Variants in AGAP1 observed in about 807,000 individuals in gnomAD.
AGAP1 encodes the protein ArfGAP with GTPase domain, ankyrin repeat and PH domain 1.
A neutral mutation model predicts 105.3 loss-of-function variants in AGAP1; 29 were observed. The ratio of observed to expected loss-of-function variants is 0.28; its 90% confidence interval spans 0.21 to 0.38. The LOEUF is 0.38. Among genes scored for constraint, AGAP1 ranks in the 10% least tolerant of loss-of-function variants. The probability of loss-of-function intolerance (pLI) is 1.00; values close to 1 mark genes in which losing one functional copy is unlikely to be tolerated. For synonymous variants in AGAP1, 509 were observed against 485.9 expected, an observed-to-expected ratio of 1.05 and a Z score of -0.63; for missense variants, 998 against 1,165.1, an observed-to-expected ratio of 0.86 and a Z score of 2.09.
In AGAP1 at chr2:236,050,602, A is replaced by AT. The variant is rs1026501842; in HGVS notation, c.2114+1327dup. ...AAGATGAATTCATGTTTTAATATCT[A>AT]TTTTTTCACAGATAATGATAACATT... On this transcript the variant is annotated intron_variant, in intron 16 of 17. Transcript: ENST00000304032. The surrounding 1 kb of genome is among the most constrained non-coding windows in gnomAD (Gnocchi z 4.0). 1.3e-5 allele frequency among the ~76,000 whole-genome samples: 2 copies of AT among 152,142 alleles called. No homozygotes were observed. Among genetic ancestry groups the AT allele is most frequent in the Non-Finnish European group, 2.9e-5 (2 of 67,984 alleles).
At position 235,893,623 on chromosome 2, in the gene AGAP1, G is replaced by A. The variant is rs984652485; in HGVS notation, c.1155+10174G>A. On this transcript the variant is annotated intron_variant, in intron 10 of 17. Coordinates refer to ENST00000304032, the MANE Select transcript of AGAP1 (RefSeq NM_001037131.3). This position sits in a 1 kb window ranked among gnomAD's most constrained non-coding sequence, Gnocchi z 4.7. ...CTTCATGGCCCTCCCTGATTCCCAG[G>A]CCCCATCTAGTGTACATCATTGCCT... Among the ~76,000 whole-genome samples, 8 of 152,208 alleles carry A rather than the reference G, an allele frequency of 5.3e-5. No homozygotes were observed. The highest frequency in any genetic ancestry group is 3.9e-4 in the East Asian group (2 of 5,172).
chr2:235,803,030 T>TGTGATGGTGATGATGGTTGTG, intron 8 of AGAP1, among the ~76,000 whole-genome samples: 1 of 59,466 alleles, frequency 1.7e-5, no homozygotes, highest in Non-Finnish European at 3.7e-5. Context: ...TGGTGATGGT[T>TGTGATGGTGATGATGGTTGTG]GTGATGGTGA....
rs2051262985 is a variant in AGAP1, at chr2:235,905,525, G to A, written c.1156-3213G>A. Among the ~76,000 whole-genome samples the A allele has an allele frequency of 2.0e-5, 3 of 152,148 alleles. No individual in the cohort carries two copies. The highest frequency in any genetic ancestry group is 7.2e-5 in the African/African-American group (3 of 41,434). On this transcript the variant is annotated intron_variant, in intron 10 of 17. Transcript: ENST00000304032. This position sits in a 1 kb window ranked among gnomAD's most constrained non-coding sequence, Gnocchi z 4.2. ...TCTTTTCTTTTCTTTTTGAGACAGAGTTTCCCTCTTGTCGCTTAGGCTGGA... is the reference window on the plus strand; with the variant it reads ...TCTTTTCTTTTCTTTTTGAGACAGAATTTCCCTCTTGTCGCTTAGGCTGGA...
At chr2:235,727,312 C>T (rs11895896) in intron 3 of AGAP1, among the ~76,000 whole-genome samples, 6,225 of 151,422 alleles carry the variant, frequency 0.041, 415 homozygotes, top group African/African-American at 0.14. Flanking sequence ...AGGGTTTGTC[C>T]GTTTTAAACA....
At position 236,130,740 on chromosome 2, in the gene AGAP1, G is replaced by T; in HGVS notation, c.*6618G>T. The T allele has an allele frequency of 6.5e-6, 1 of 152,732 alleles. No homozygotes were observed. The highest frequency in any genetic ancestry group is 1.5e-5 in the Non-Finnish European group (1 of 68,440). The allele number at this position is 152,732 out of a possible 1,614,324, so 9.5% of individuals were successfully genotyped here. On this transcript the variant is annotated 3_prime_UTR_variant, in exon 18 of 18. Transcript: ENST00000304032. This position sits in a 1 kb window ranked among gnomAD's most constrained non-coding sequence, Gnocchi z 5.8. Reference sequence around the variant, plus strand: ...CCCCTGCCCAATACCACAGCCCTGGGGTGTCCCCTGACATTCCTGGAGGTC... The same window carrying T: ...CCCCTGCCCAATACCACAGCCCTGGTGTGTCCCCTGACATTCCTGGAGGTC...
chr2:235,590,692 CGT>C lies in AGAP1; in HGVS notation c.163+95863_163+95864del, dbSNP rs1183327731. 7.3e-3 allele frequency among the ~76,000 whole-genome samples: 527 copies of C among 72,526 alleles called. 12 individuals carry two copies. In the East Asian group the frequency reaches 0.15, roughly 20 times the overall value. 47.6% of individuals were successfully genotyped at this position (72,526 alleles called of 152,430 possible). ...GTGTGTGTGTGTGTGTGTGCGTGTGCGTGTGTGTGTGTGTGTGTGTGCATTTT... is the reference window on the plus strand; with the variant it reads ...GTGTGTGTGTGTGTGTGTGCGTGTGCGTGTGTGTGTGTGTGTGTGCATTTT... On this transcript the variant is annotated intron_variant, in intron 1 of 17. Transcript: ENST00000304032.
At chr2:235,534,596 C>T (rs773018952) in intron 1 of AGAP1, among the ~76,000 whole-genome samples, 1 of 152,068 alleles carries the variant, frequency 6.6e-6, no homozygotes, top group Non-Finnish European at 1.5e-5. Flanking sequence ...TCAAGCTTAG[C>T]GGTTTGTTTA....
In AGAP1 at chr2:235,689,371, G is replaced by T. The variant is rs1317865974; in HGVS notation, c.164-19808G>T. 6.6e-6 allele frequency among the ~76,000 whole-genome samples: 1 copy of T among 152,244 alleles called. No individual in the cohort carries two copies. The highest frequency in any genetic ancestry group is 1.5e-5 in the Non-Finnish European group (1 of 68,048). On this transcript the variant is annotated intron_variant, in intron 1 of 17. Transcript: ENST00000304032. This position sits in a 1 kb window ranked among gnomAD's most constrained non-coding sequence, Gnocchi z 4.2. ...CTGCTGCTGTTCATCGGCCCGTAGGGTCTCCAGCACAATACCGGGTTAGTG... is the reference window on the plus strand; with the variant it reads ...CTGCTGCTGTTCATCGGCCCGTAGGTTCTCCAGCACAATACCGGGTTAGTG...
chr2:235,824,743 G>A lies in AGAP1; in HGVS notation c.1050+17412G>A, dbSNP rs542317438. Among the ~76,000 whole-genome samples, 35 of 152,070 alleles carry A rather than the reference G, an allele frequency of 2.3e-4. No homozygotes were observed. The highest frequency in any genetic ancestry group is 7.5e-4 in the African/African-American group (31 of 41,478). ...GATGAGATGTGCCCTTATATGAGAC[G>A]GCCTGCATTCTTTCGCGGTACCAAG... On this transcript the variant is annotated intron_variant, in intron 9 of 17. Transcript: ENST00000304032. This position sits in a 1 kb window ranked among gnomAD's most constrained non-coding sequence, Gnocchi z 5.2.
chr2:235,977,909 C>T lies in AGAP1; in HGVS notation c.1645+9286C>T, dbSNP rs1406821087. Among the ~76,000 whole-genome samples, 1 of 152,184 alleles carries T rather than the reference C, an allele frequency of 6.6e-6. No individual in the cohort carries two copies. The highest frequency in any genetic ancestry group is 1.5e-5 in the Non-Finnish European group (1 of 68,038). ...GCTTAACCAGCAGAAACTCATTTATCATGGTTCTGAAGGCTGCAAAGTCCA... is the reference window on the plus strand; with the variant it reads ...GCTTAACCAGCAGAAACTCATTTATTATGGTTCTGAAGGCTGCAAAGTCCA... On this transcript the variant is annotated intron_variant, in intron 13 of 17. Transcript: ENST00000304032. This position sits in a 1 kb window ranked among gnomAD's most constrained non-coding sequence, Gnocchi z 5.2.
rs1952488062 is a variant in AGAP1 at position 235,740,058 on chromosome 2, G to T, written c.311-905G>T. Among the ~76,000 whole-genome samples the T allele has an allele frequency of 6.6e-6, 1 of 152,176 alleles. No individual in the cohort carries two copies. The highest frequency in any genetic ancestry group is 2.1e-4 in the South Asian group (1 of 4,822). ...TAAAACAAGAGTTTCGAATCCCCAT[G>T]AGGGTTCCCTAGCGTGGTCTCAGAG... On this transcript the variant is annotated intron_variant, in intron 3 of 17. Transcript: ENST00000304032. The surrounding 1 kb of genome is among the most constrained non-coding windows in gnomAD (Gnocchi z 5.7).
At chr2:236,081,250 C>G (rs953324041) in intron 16 of AGAP1, among the ~76,000 whole-genome samples, 1 of 152,008 alleles carries the variant, frequency 6.6e-6, no homozygotes, top group African/African-American at 2.4e-5. Context: ...GGCAGGAGGC[C>G]GGGGTCCTGT....
intron 1 of AGAP1, among the ~76,000 whole-genome samples, chr2:235,588,511 C>G (rs1280161998): frequency 1.3e-5 from 2 of 152,246 alleles, no homozygotes; most frequent in African/African-American, 4.8e-5. Context: ...TATCTGGCCT[C>G]TCACACTTAA....
chr2:235,651,520 A>C (rs1947593597), intron 1 of AGAP1, among the ~76,000 whole-genome samples: 1 of 152,190 alleles, frequency 6.6e-6, no homozygotes, highest in Non-Finnish European at 1.5e-5. Flanking sequence ...ATAGACAAAA[A>C]CCAATTAATC....
At chr2:236,060,421 G>T (rs1249420365) in intron 16 of AGAP1, among the ~76,000 whole-genome samples, 2 of 152,022 alleles carry the variant, frequency 1.3e-5, no homozygotes, top group East Asian at 3.9e-4. Flanking sequence ...GGGCATGATG[G>T]CTCATGCCTG....
At chr2:236,094,923 CAAA>C (rs59126473) in intron 16 of AGAP1, among the ~76,000 whole-genome samples, 2 of 37,768 alleles carry the variant, frequency 5.3e-5, no homozygotes, top group African/African-American at 1.5e-4. Context: ...CCCATCTCTA[CAAA>C]AAAAAAAAAA....
Position 236,130,456 on chromosome 2 carries a change from C to G in AGAP1, c.*6334C>G, listed in dbSNP as rs922064827. On this transcript the variant is annotated 3_prime_UTR_variant, in exon 18 of 18. Transcript: ENST00000304032. This position sits in a 1 kb window ranked among gnomAD's most constrained non-coding sequence, Gnocchi z 5.8. ...GGGGAATCTTCCCAGTGGAGCAAAC[C>G]CCCTTAACACACCAGCTGTTGGGAA... The G allele has an allele frequency of 2.6e-5, 4 of 152,146 alleles. No homozygotes were observed. The highest frequency in any genetic ancestry group is 9.7e-5 in the African/African-American group (4 of 41,386). The allele number at this position is 152,146 out of a possible 1,614,324, so 9.4% of individuals were successfully genotyped here.
In AGAP1 at chr2:236,042,148, TG is replaced by T. The variant is rs1267955998; in HGVS notation, c.1891+1309del. On this transcript the variant is annotated intron_variant, in intron 15 of 17. Coordinates refer to ENST00000304032, the MANE Select transcript of AGAP1 (RefSeq NM_001037131.3). The surrounding 1 kb of genome is among the most constrained non-coding windows in gnomAD (Gnocchi z 5.6). ...TGAGCTCCACTTGGGGAGATGGATC[TG>T]GCCAGACCATTTTGAACATACTGGA... 6.6e-6 allele frequency among the ~76,000 whole-genome samples: 1 copy of T among 152,150 alleles called. No individual in the cohort carries two copies. The highest frequency in any genetic ancestry group is 2.4e-5 in the African/African-American group (1 of 41,430).
At chr2:236,106,169 T>TTTG (rs2059485878) in intron 16 of AGAP1, among the ~76,000 whole-genome samples, 3 of 152,212 alleles carry the variant, frequency 2.0e-5, no homozygotes, top group Non-Finnish European at 4.4e-5. Context: ...GCTCTGTTTG[T>TTTG]TTGCCAATTT....
Sources: allele counts gnomAD v4.1 joint callset (sites outside exome capture counted in the v4.1 genomes callset), GRCh38; gene constraint gnomAD v4.1.1; non-coding constraint Gnocchi (gnomAD v3.1); transcripts MANE v1.5; gene names NCBI Gene and HGNC (gene_info 2026-07-23, HGNC 2026-07-21).